The following BTBD7 variants were observed in gnomAD, a reference collection of about 807,000 sequenced individuals.
BTBD7 encodes BTB/POZ domain-containing protein 7.
In BTBD7, 38 loss-of-function variants were observed where a neutral mutation model predicts 99.9. The ratio of observed to expected loss-of-function variants is 0.38; its 90% CI spans 0.29 to 0.50. The LOEUF is 0.50. Among genes scored for constraint, BTBD7 ranks in the 20% least tolerant of loss-of-function variants. The pLI is 0.93. For missense variants in BTBD7, 1,170 were observed against 1,394.6 expected (o/e 0.84, Z 2.57); for synonymous variants, 520 against 511.4 (o/e 1.02, Z -0.23).
Position 93,242,783 on chromosome 14 carries a change from G to T in BTBD7, c.2889C>A (p.Arg963=), listed in dbSNP as rs2052249683. The T allele has an allele frequency of 6.2e-7, 1 of 1,614,210 alleles. No individual in the cohort carries two copies. Among genetic ancestry groups the T allele is most frequent in the Non-Finnish European group, 8.5e-7 (1 of 1,180,046 alleles). ...CRPSTPALSR[R]TPSPSQGGYF... The stretch of plus-strand genomic sequence containing the variant: ...ATCCACCTTGCGAAGGGGAAGGGGT[G>T]CGTCTGCTGAGAGCAGGAGTAGAAG... The change falls in exon 11 of 11, where the codon CGC becomes CGA. Residue 963 remains arginine, a synonymous_variant. Coordinates refer to ENST00000334746, the MANE Select transcript of BTBD7 (RefSeq NM_001002860.4).
At chr14:93,303,413 G>A (rs2053028520) in intron 1 of BTBD7, among the ~76,000 whole-genome samples, 1 of 148,234 alleles carries the variant, frequency 6.7e-6, no homozygotes, top group Non-Finnish European at 1.5e-5. Context: ...AGACCAGCCT[G>A]AACAACATAG....
chr14:93,329,181 C>A (rs865876850), intron 1 of BTBD7, among the ~76,000 whole-genome samples: 34 of 147,524 alleles, frequency 2.3e-4, no homozygotes, highest in African/African-American at 8.8e-4. Flanking sequence ...CACTCAACAA[C>A]AAAAAAAAAT....
chr14:93,279,888 T>C (rs2052699736), intron 3 of BTBD7, among the ~76,000 whole-genome samples: 1 of 152,338 alleles, frequency 6.6e-6, no homozygotes, highest in East Asian at 1.9e-4. Flanking sequence ...TTTGAGTTGA[T>C]AGGCTATATC....
chr14:93,325,106 A>ATTTTTTTTTT (rs34523849), intron 1 of BTBD7, among the ~76,000 whole-genome samples: 4 of 105,574 alleles, frequency 3.8e-5, no homozygotes, highest in African/African-American at 7.6e-5. Flanking sequence ...GCATGCTCCA[A>ATTTTTTTTTT]TTTTTTTTTT....
intron 3 of BTBD7, among the ~76,000 whole-genome samples, chr14:93,280,849 C>CTT (rs564620800): frequency 0.019 from 2,744 of 141,784 alleles, 46 homozygotes; most frequent in South Asian, 0.075. Context: ...AAAAAGGCAC[C>CTT]TTTTTTTTTT....
At chr14:93,266,245 G>C (rs780477562) in intron 3 of BTBD7, among the ~76,000 whole-genome samples, 3 of 151,928 alleles carry the variant, frequency 2.0e-5, no homozygotes, top group African/African-American at 7.3e-5. Flanking sequence ...TTTCAGGTAC[G>C]AGCATTGAGC....
intron 1 of BTBD7, among the ~76,000 whole-genome samples, chr14:93,308,180 G>A (rs1182651163): frequency 2.0e-5 from 3 of 151,818 alleles, no homozygotes; most frequent in East Asian, 1.9e-4. Context: ...CCAGCTCCTC[G>A]GGAGGCTGAG....
chr14:93,293,122 T>G (rs554949347), intron 3 of BTBD7, among the ~76,000 whole-genome samples: 38 of 152,328 alleles, frequency 2.5e-4, no homozygotes, highest in Admixed American at 1.5e-3. Context: ...GTCTTTGCTC[T>G]CCTACAAAAG....
chr14:93,287,839 G>A (rs889741236), intron 3 of BTBD7: 2 of 152,206 alleles, frequency 1.3e-5, no homozygotes, highest in Non-Finnish European at 2.9e-5. Flanking sequence ...TTCTTGGTTT[G>A]CTTCGTCATT....
chr14:93,245,024 TA>T (rs2052287920), intron 10 of BTBD7, among the ~76,000 whole-genome samples: 1 of 152,072 alleles, frequency 6.6e-6, no homozygotes, highest in Admixed American at 6.6e-5. Flanking sequence ...CACACTTAGC[TA>T]ATTCATTTGT....
intron 6 of BTBD7, among the ~76,000 whole-genome samples, chr14:93,254,150 G>A (rs1391193956): frequency 6.6e-6 from 1 of 152,050 alleles, no homozygotes; most frequent in Non-Finnish European, 1.5e-5. Context: ...TGTTGGTCAG[G>A]CTGGTCTGGA....
chr14:93,299,946 T>C (rs1008821233), intron 1 of BTBD7, among the ~76,000 whole-genome samples: 9 of 152,232 alleles, frequency 5.9e-5, no homozygotes, highest in African/African-American at 1.9e-4. Context: ...AAAGAAGCCC[T>C]GCTGCCCCCA....
At chr14:93,274,769 G>C (rs1356351150) in intron 3 of BTBD7, among the ~76,000 whole-genome samples, 1 of 152,192 alleles carries the variant, frequency 6.6e-6, no homozygotes, top group Non-Finnish European at 1.5e-5. Flanking sequence ...GGCTAAGAAA[G>C]AGCAGATACA....
intron 3 of BTBD7, among the ~76,000 whole-genome samples, chr14:93,293,374 T>C (rs1250900090): frequency 3.9e-5 from 6 of 152,242 alleles, no homozygotes; most frequent in African/African-American, 1.4e-4. Context: ...AAGGAATATT[T>C]TAAAATTTAA....
At position 93,295,973 on chromosome 14, in the gene BTBD7, TAAA is replaced by T; in HGVS notation, c.76_78del (p.Phe26del). 2 of 1,613,920 alleles carry T rather than the reference TAAA, an allele frequency of 1.2e-6. No homozygotes were observed. Among genetic ancestry groups the T allele is most frequent in the Non-Finnish European group, 1.7e-6 (2 of 1,179,882 alleles). On this transcript the variant is annotated inframe_deletion, in exon 2 of 11. Transcript: ENST00000334746. Reference sequence around the variant, plus strand: ...AGTTAGAAAAACTGAAAGTTACCTATAAAAGTCTGTTGGGCCTGTGAATTTCCC... The same window carrying T: ...AGTTAGAAAAACTGAAAGTTACCTATAGTCTGTTGGGCCTGTGAATTTCCC...
intron 1 of BTBD7, among the ~76,000 whole-genome samples, chr14:93,319,257 G>C (rs183160324): frequency 6.6e-6 from 1 of 152,134 alleles, no homozygotes; most frequent in African/African-American, 2.4e-5. Context: ...GACAAAATCT[G>C]CTCTGGTCCT....
At chr14:93,276,722 T>C (rs1328126223) in intron 3 of BTBD7, among the ~76,000 whole-genome samples, 2 of 152,096 alleles carry the variant, frequency 1.3e-5, no homozygotes, top group Non-Finnish European at 2.9e-5. Context: ...TTATATTCTT[T>C]ATTCTTACAG....
chr14:93,276,852 C>T (rs1266837506), intron 3 of BTBD7, among the ~76,000 whole-genome samples: 4 of 148,370 alleles, frequency 2.7e-5, no homozygotes, highest in African/African-American at 7.4e-5. Context: ...AATTCATGAA[C>T]GATTTCTCTT....
At chr14:93,274,217 C>T (rs1205749226) in intron 3 of BTBD7, among the ~76,000 whole-genome samples, 1 of 152,168 alleles carries the variant, frequency 6.6e-6, no homozygotes, top group Non-Finnish European at 1.5e-5. Context: ...TTGAAGATTC[C>T]GTGATGATGG....
Sources: allele counts gnomAD v4.1 joint callset (sites outside exome capture counted in the v4.1 genomes callset), GRCh38; gene constraint gnomAD v4.1.1; transcripts MANE v1.5; gene names NCBI Gene and HGNC (gene_info 2026-07-23, HGNC 2026-07-21).